The following RAI14 variants were observed in gnomAD, a reference collection of about 807,000 sequenced individuals.
The protein encoded by RAI14 is retinoic acid induced 14.
RAI14 carries 45 observed loss-of-function variants against 115.4 expected under a neutral mutation model. That is an observed-to-expected ratio of 0.39 (90% CI 0.31 to 0.50). The LOEUF (loss-of-function observed/expected upper bound fraction) is 0.50. RAI14 is among the 20% of genes least tolerant of loss of function. The probability of loss-of-function intolerance (pLI) is 0.85; values close to 1 mark genes in which losing one functional copy is unlikely to be tolerated. For synonymous variants in RAI14, 371 were observed against 415.4 expected (o/e 0.89, Z 1.30); for missense variants, 939 against 1,131.2 (o/e 0.83, Z 2.44).
intron 3 of RAI14, among the ~76,000 whole-genome samples, chr5:34,784,133 A>G (rs1200237960): frequency 6.6e-6 from 1 of 152,216 alleles, no homozygotes; most frequent in Admixed American, 6.5e-5. Flanking sequence ...CATCATTTTC[A>G]ATTAATTGTG....
At position 34,829,735 on chromosome 5, in the gene RAI14, T is replaced by C; in HGVS notation, c.2803T>C (p.Cys935Arg). The change falls in exon 17 of 18, where the codon TGC (cysteine) becomes CGC (arginine). Residue 935 changes from cysteine to arginine, a missense_variant. Coordinates refer to ENST00000265109, the MANE Select transcript of RAI14 (RefSeq NM_015577.3). Reference sequence around the variant, plus strand: ...ATGTGAAATATTCCCTTTCTAGGAATGCAAGAAACAACACCAGGAGGTCAT... The same window carrying C: ...ATGTGAAATATTCCCTTTCTAGGAACGCAAGAAACAACACCAGGAGGTCAT... ...VKQLQNQLAE[C>R]KKQHQEVISV... The C allele has an allele frequency of 1.2e-6, 2 of 1,609,550 alleles. No homozygotes were observed. Among genetic ancestry groups the C allele is most frequent in the Non-Finnish European group, 1.7e-6 (2 of 1,176,808 alleles).
At chr5:34,696,338 G>A (rs1003316373) in intron 2 of RAI14, among the ~76,000 whole-genome samples, 4 of 151,978 alleles carry the variant, frequency 2.6e-5, no homozygotes, top group Non-Finnish European at 5.9e-5. Context: ...GGGTTTCACT[G>A]TGTTAGCCAG....
chr5:34,788,715 A>G (rs1752596522), intron 3 of RAI14, among the ~76,000 whole-genome samples: 1 of 152,202 alleles, frequency 6.6e-6, no homozygotes, highest in Admixed American at 6.5e-5. Flanking sequence ...CACGCCTGTA[A>G]TCCCAGCACT....
chr5:34,730,039 G>C (rs1328305066), intron 2 of RAI14, among the ~76,000 whole-genome samples: 1 of 152,156 alleles, frequency 6.6e-6, no homozygotes, highest in Non-Finnish European at 1.5e-5. Flanking sequence ...CAGATGATCT[G>C]GCAGGCAAGG....
rs1244953324 is a variant in RAI14, at chr5:34,665,131, GTAT to G, written c.-49+8657_-49+8659del. Among the ~76,000 whole-genome samples the G allele has an allele frequency of 7.0e-5, 4 of 57,538 alleles. 2 individuals are homozygous for G. Among genetic ancestry groups the G allele is most frequent in the Non-Finnish European group, 1.5e-4 (4 of 27,556 alleles). The allele number at this position is 57,538 out of a possible 152,430, so 37.7% of individuals were successfully genotyped here. A position where few individuals can be genotyped will look rare whatever the true frequency, so the allele number is the denominator to read the frequency against. On this transcript the variant is annotated intron_variant, in intron 1 of 17. Transcript: ENST00000265109. ...TATATATATGTGTATATATGTATGT[GTAT>G]ATATATACACATATATATGTGTGTG...
At position 34,823,715 on chromosome 5, in the gene RAI14, G is replaced by T; in HGVS notation, c.1873G>T (p.Asp625Tyr). 6.2e-7 allele frequency: 1 copy of T among 1,614,184 alleles called. No homozygotes were observed. The highest frequency in any genetic ancestry group is 1.1e-5 in the South Asian group (1 of 91,080). ...AAGTCAGATGACACAGGAAGCCAGT[G>T]ATGAAGCTGAGGACATGAAAGAAGC... is the stretch of plus-strand genomic sequence containing the variant. ...LKSQMTQEAS[D>Y]EAEDMKEAMN... The change falls in exon 15 of 18, where the codon GAT becomes TAT. Residue 625 changes from aspartate to tyrosine, a missense_variant. Transcript: ENST00000265109. The surrounding 1 kb of genome is among the most constrained non-coding windows in gnomAD (Gnocchi z 4.5).
chr5:34,812,242 T>C (rs777599327), intron 10 of RAI14, 34 bp downstream of exon 10: 2 of 1,539,586 alleles, frequency 1.3e-6, no homozygotes, highest in East Asian at 4.5e-5. Context: ...CTATGTTTCA[T>C]TTATGCTTGT....
intron 2 of RAI14, among the ~76,000 whole-genome samples, chr5:34,707,585 A>G (rs1050948144): frequency 6.6e-6 from 1 of 152,162 alleles, no homozygotes; most frequent in African/African-American, 2.4e-5. Context: ...TTGCTTCTGT[A>G]AGAGAGTACA....
intron 2 of RAI14, chr5:34,733,210 A>C (rs563527279): frequency 6.6e-6 from 1 of 152,336 alleles, no homozygotes; most frequent in South Asian, 2.1e-4. Context: ...TACACCTGGA[A>C]TTTAACTTCC....
intron 3 of RAI14, among the ~76,000 whole-genome samples, chr5:34,768,972 G>A (rs1041286695): frequency 6.6e-6 from 1 of 151,338 alleles, no homozygotes; most frequent in Admixed American, 6.6e-5. Flanking sequence ...TTGGATGACA[G>A]AGTGAGACCC....
At chr5:34,816,669 T>C (rs779092621) in intron 12 of RAI14, among the ~76,000 whole-genome samples, 5 of 152,332 alleles carry the variant, frequency 3.3e-5, no homozygotes, top group Non-Finnish European at 7.4e-5. Context: ...AAGATGTTTT[T>C]TTTTAACTTG....
intron 3 of RAI14, among the ~76,000 whole-genome samples, chr5:34,792,730 A>C (rs987840132): frequency 6.6e-6 from 1 of 152,264 alleles, no homozygotes; most frequent in Admixed American, 6.5e-5. Context: ...AGATGCATGC[A>C]GTGTAAAATC....
At chr5:34,764,993 TC>T (rs1749169250) in intron 3 of RAI14, among the ~76,000 whole-genome samples, 1 of 152,154 alleles carries the variant, frequency 6.6e-6, no homozygotes, top group African/African-American at 2.4e-5. Flanking sequence ...AGTGAATAAG[TC>T]TCACGAGATC....
chr5:34,822,659 G>A (rs1756986467), intron 14 of RAI14, among the ~76,000 whole-genome samples: 1 of 115,028 alleles, frequency 8.7e-6, no homozygotes, highest in African/African-American at 3.2e-5. Flanking sequence ...CCACGCCTTT[G>A]GTATCTTTTT....
rs1738083048 is a variant in RAI14 at position 34,688,136 on chromosome 5, A to G, written c.36+1181A>G. ...AGACAGAAAACTAGCTGTTGGCCAGAGTGAAAGTCCTGGTCATCCGACTTC... is the reference window on the plus strand; with the variant it reads ...AGACAGAAAACTAGCTGTTGGCCAGGGTGAAAGTCCTGGTCATCCGACTTC... On this transcript the variant is annotated intron_variant, in intron 2 of 17. Coordinates refer to ENST00000265109, the MANE Select transcript of RAI14 (RefSeq NM_015577.3). The G allele has an allele frequency of 2.0e-6, 3 of 1,527,672 alleles. No homozygotes were observed. The Admixed American group carries it at 6.7e-5, about 34-fold the overall frequency. The allele number at this position is 1,527,672 out of a possible 1,614,324, so 94.6% of individuals were successfully genotyped here.
intron 3 of RAI14, among the ~76,000 whole-genome samples, chr5:34,778,505 A>G (rs891904795): frequency 3.9e-5 from 6 of 152,314 alleles, no homozygotes; most frequent in Middle Eastern, 3.4e-3. Flanking sequence ...GAATCTGGTT[A>G]GTACCTGCTA....
At chr5:34,688,639 C>A (rs1278585777) in intron 2 of RAI14, among the ~76,000 whole-genome samples, 1 of 152,094 alleles carries the variant, frequency 6.6e-6, no homozygotes, top group Non-Finnish European at 1.5e-5. Context: ...TGTTGAGAAG[C>A]AGACCTGGGG....
chr5:34,757,665 A>G, intron 3 of RAI14, 67 bp downstream of exon 3: 2 of 1,521,776 alleles, frequency 1.3e-6, no homozygotes, highest in South Asian at 1.3e-5. Context: ...TGGAATCCTT[A>G]GTATCCATAG....
chr5:34,678,333 C>T (rs1035047957), intron 1 of RAI14, among the ~76,000 whole-genome samples: 1 of 152,152 alleles, frequency 6.6e-6, no homozygotes, highest in Non-Finnish European at 1.5e-5. Flanking sequence ...GTTTGTTTTA[C>T]TTTTAATTGT....
Sources: allele counts gnomAD v4.1 joint callset (sites outside exome capture counted in the v4.1 genomes callset), GRCh38; gene constraint gnomAD v4.1.1; non-coding constraint Gnocchi (gnomAD v3.1); transcripts MANE v1.5; gene names NCBI Gene and HGNC (gene_info 2026-07-23, HGNC 2026-07-21).